Variants in FHOD3 observed in about 807,000 individuals in gnomAD.
FHOD3 encodes formin homology 2 domain containing 3, also known as FH1/FH2 domain-containing protein 3.
Under a neutral mutation model 173.0 loss-of-function variants are expected in FHOD3, and 90 were observed. That is an observed-to-expected ratio of 0.52 (90% confidence interval 0.44 to 0.62). The LOEUF is 0.62. FHOD3 is among the 20% of genes least tolerant of loss of function. The pLI, the probability that FHOD3 is intolerant of heterozygous loss-of-function variation, is 0.00. For missense variants in FHOD3, 1,945 were observed against 2,034.7 expected, an observed-to-expected ratio of 0.96 and a Z score of 0.85; for synonymous variants, 828 against 823.0, an observed-to-expected ratio of 1.01 and a Z score of -0.10.
chr18:36,543,566 A>G (rs1426390081), intron 5 of FHOD3, among the ~76,000 whole-genome samples: 1 of 152,210 alleles, frequency 6.6e-6, no homozygotes, highest in Non-Finnish European at 1.5e-5. Context: ...TGAACAAAAT[A>G]GAACATTCTT....
At chr18:36,371,905 C>T (rs2047212726) in intron 2 of FHOD3, among the ~76,000 whole-genome samples, 1 of 152,126 alleles carries the variant, frequency 6.6e-6, no homozygotes, top group African/African-American at 2.4e-5. Context: ...TTGTCCACTG[C>T]CTTCCCCTTT....
At chr18:36,311,960 C>T (rs551092171) in intron 1 of FHOD3, among the ~76,000 whole-genome samples, 11 of 152,316 alleles carry the variant, frequency 7.2e-5, no homozygotes, top group African/African-American at 2.2e-4. Context: ...GAAAGTCCCT[C>T]TTCCCTGGCC....
At position 36,597,574 on chromosome 18, in the gene FHOD3, C is replaced by T. The variant is rs183478514; in HGVS notation, c.718+2676C>T. Among the ~76,000 whole-genome samples the T allele has an allele frequency of 3.3e-5, 5 of 152,140 alleles. No homozygotes were observed. The East Asian group carries it at 9.7e-4, about 30-fold the overall frequency. ...CCCGAGTAGTTGGGACTACAGGTGC[C>T]CACCACCATGCCCGGCTAATTTTTT... On this transcript the variant is annotated intron_variant, in intron 7 of 28. Transcript: ENST00000590592.
chr18:36,704,223 T>C lies in FHOD3; in HGVS notation c.2237-4872T>C, dbSNP rs183104984. ...CTGCAAGCCCTCGGAGCCAGGTCAGTGCAGGCTCTGGCCAAACACATTTTT... is the reference window on the plus strand; with the variant it reads ...CTGCAAGCCCTCGGAGCCAGGTCAGCGCAGGCTCTGGCCAAACACATTTTT... On this transcript the variant is annotated intron_variant, in intron 17 of 28. Transcript: ENST00000590592. 2.4e-3 allele frequency among the ~76,000 whole-genome samples: 373 copies of C among 152,346 alleles called. 1 individual carries two copies. The highest frequency in any genetic ancestry group is 2.3e-3 in the Non-Finnish European group (154 of 68,030).
chr18:36,746,866 C>G, intron 23 of FHOD3, 79 bp from the exon 24 acceptor site: 3 of 1,106,018 alleles, frequency 2.7e-6, no homozygotes, highest in Non-Finnish European at 3.8e-6. Context: ...TTGTTTCTCC[C>G]CAGAGGCAGT....
intron 11 of FHOD3, among the ~76,000 whole-genome samples, chr18:36,650,039 G>A (rs1314273277): frequency 6.6e-6 from 1 of 152,072 alleles, no homozygotes; most frequent in Non-Finnish European, 1.5e-5. Context: ...ACAGACATGG[G>A]CACCTTGCAG....
intron 17 of FHOD3, among the ~76,000 whole-genome samples, chr18:36,695,882 C>T (rs1036040711): frequency 6.6e-5 from 10 of 152,138 alleles, no homozygotes; most frequent in Non-Finnish European, 1.3e-4. Flanking sequence ...TCAAAAGTAA[C>T]CTTTTGCTTA....
chr18:36,643,965 G>C (rs1419434119), intron 10 of FHOD3, among the ~76,000 whole-genome samples: 1 of 151,948 alleles, frequency 6.6e-6, no homozygotes, highest in Non-Finnish European at 1.5e-5. Flanking sequence ...TTTTCCTTTT[G>C]GTGTTTGGAA....
At chr18:36,653,011 C>G in intron 12 of FHOD3, 82 bp downstream of exon 12, 1 of 1,440,804 alleles carries the variant, frequency 6.9e-7, no homozygotes, top group Non-Finnish European at 9.1e-7. Context: ...CTTGGCTTGG[C>G]TTCTGCCATG....
chr18:36,539,423 A>G (rs536006636), intron 5 of FHOD3, among the ~76,000 whole-genome samples: 8 of 152,358 alleles, frequency 5.3e-5, no homozygotes, highest in African/African-American at 1.9e-4. Context: ...AACCAAGGCC[A>G]TTGCGTAGAA....
At chr18:36,402,271 C>A (rs183833465) in intron 3 of FHOD3, among the ~76,000 whole-genome samples, 1 of 152,150 alleles carries the variant, frequency 6.6e-6, no homozygotes, top group African/African-American at 2.4e-5. Context: ...AGCAAAGAGG[C>A]CTTCTTGAGC....
intron 3 of FHOD3, among the ~76,000 whole-genome samples, chr18:36,402,506 T>TACACACACACACACACACAC (rs146120105): frequency 3.5e-5 from 5 of 143,992 alleles, no homozygotes; most frequent in Middle Eastern, 3.5e-3. Context: ...GATGCAATTA[T>TACACACACACACACACACAC]ACACACACAC....
intron 27 of FHOD3, among the ~76,000 whole-genome samples, chr18:36,763,813 CAT>C (rs900814725): frequency 3.9e-5 from 6 of 152,036 alleles, no homozygotes; most frequent in African/African-American, 1.5e-4. Context: ...GTGGAAAAAT[CAT>C]ATCTTTTACT....
At chr18:36,729,138 CAG>C (rs998438766) in intron 19 of FHOD3, among the ~76,000 whole-genome samples, 40 of 152,326 alleles carry the variant, frequency 2.6e-4, no homozygotes, top group Admixed American at 2.4e-3. Flanking sequence ...CCCTCAACAA[CAG>C]AGGGTGCAGC....
At chr18:36,375,052 A>G (rs1366131143) in intron 3 of FHOD3, among the ~76,000 whole-genome samples, 1 of 152,218 alleles carries the variant, frequency 6.6e-6, no homozygotes. Flanking sequence ...TAGGTTTATT[A>G]GCACTAAATA....
chr18:36,341,938 A>G (rs2045643911), intron 1 of FHOD3, among the ~76,000 whole-genome samples: 1 of 152,254 alleles, frequency 6.6e-6, no homozygotes, highest in African/African-American at 2.4e-5. Context: ...GATCCAGATA[A>G]CAGAATGATC....
At chr18:36,331,804 G>T (rs1221362395) in intron 1 of FHOD3, among the ~76,000 whole-genome samples, 1 of 152,178 alleles carries the variant, frequency 6.6e-6, no homozygotes, top group Non-Finnish European at 1.5e-5. Flanking sequence ...ATGCAGGGGA[G>T]TGGGGCACCG....
At chr18:36,565,772 T>A (rs966945720) in intron 5 of FHOD3, among the ~76,000 whole-genome samples, 1 of 151,978 alleles carries the variant, frequency 6.6e-6, no homozygotes, top group Non-Finnish European at 1.5e-5. Context: ...AAGTGAAGAG[T>A]GGGAAGACAG....
chr18:36,500,067 A>G (rs549995032), intron 3 of FHOD3, among the ~76,000 whole-genome samples: 7 of 152,194 alleles, frequency 4.6e-5, no homozygotes, highest in Non-Finnish European at 7.3e-5. Flanking sequence ...AGAGAAAACC[A>G]CAGTGTCTGT....
Sources: allele counts gnomAD v4.1 joint callset (sites outside exome capture counted in the v4.1 genomes callset), GRCh38; gene constraint gnomAD v4.1.1; transcripts MANE v1.5; gene names NCBI Gene and HGNC (gene_info 2026-07-23, HGNC 2026-07-21).